NAALADL2: variants seen among roughly 807,000 people sequenced by gnomAD.
The protein encoded by NAALADL2 is inactive N-acetylated-alpha-linked acidic dipeptidase-like protein 2.
Under a neutral mutation model 87.2 loss-of-function variants are expected in NAALADL2, and 76 were observed. The observed-to-expected ratio is 0.87, with a 90% confidence interval of 0.72 to 1.05. The LOEUF (loss-of-function observed/expected upper bound fraction) is 1.05, where lower values mean the gene tolerates loss of function less well. NAALADL2 is among the 50% of genes least tolerant of loss of function. The pLI is 0.00. For missense variants in NAALADL2, 1,089 were observed against 945.8 expected (o/e 1.15, Z -1.99); for synonymous variants, 354 against 331.0 (o/e 1.07, Z -0.75).
At chr3:175,733,933 G>C (rs937941991) in intron 11 of NAALADL2, among the ~76,000 whole-genome samples, 3 of 152,200 alleles carry the variant, frequency 2.0e-5, no homozygotes, top group Non-Finnish European at 1.5e-5. Flanking sequence ...GCTGATGCAA[G>C]AGGTGGGTTC....
chr3:175,023,532 A>G (rs1751835272), intron 1 of NAALADL2, among the ~76,000 whole-genome samples: 3 of 152,236 alleles, frequency 2.0e-5, no homozygotes, highest in South Asian at 4.1e-4. Flanking sequence ...TTATTCTCAA[A>G]AAGGGGAAAG....
At chr3:174,878,044 C>G (rs1437050433) in intron 1 of NAALADL2, among the ~76,000 whole-genome samples, 1 of 151,946 alleles carries the variant, frequency 6.6e-6, no homozygotes, top group East Asian at 1.9e-4. Flanking sequence ...ATGAACTTAA[C>G]AAAGAAAACA....
chr3:175,404,279 A>G (rs1419211854), intron 5 of NAALADL2, among the ~76,000 whole-genome samples: 2 of 152,130 alleles, frequency 1.3e-5, no homozygotes, highest in Non-Finnish European at 2.9e-5. Context: ...GATAAATAGC[A>G]TGACCTCCCA....
chr3:175,113,293 A>G (rs1160246038), intron 2 of NAALADL2, among the ~76,000 whole-genome samples: 1 of 151,566 alleles, frequency 6.6e-6, no homozygotes, highest in Admixed American at 6.6e-5. Context: ...CATCAAATGT[A>G]TGGTCAGTGA....
chr3:174,932,669 A>G (rs2108427337), intron 1 of NAALADL2, among the ~76,000 whole-genome samples: 1 of 152,308 alleles, frequency 6.6e-6, no homozygotes, highest in African/African-American at 2.4e-5. Context: ...TGTCAGCAAA[A>G]AAATACCATA....
intron 2 of NAALADL2, among the ~76,000 whole-genome samples, chr3:175,103,123 T>G (rs1485907675): frequency 1.8e-5 from 2 of 112,844 alleles, no homozygotes; most frequent in South Asian, 2.7e-4. Flanking sequence ...AAAAAAAAAG[T>G]TTTAAATTAT....
At chr3:175,230,050 C>T (rs973677034) in intron 2 of NAALADL2, among the ~76,000 whole-genome samples, 3 of 151,916 alleles carry the variant, frequency 2.0e-5, no homozygotes, top group Admixed American at 6.6e-5. Flanking sequence ...AACTCATATA[C>T]GACAGAGTTG....
chr3:175,527,999 A>C (rs536990183), intron 9 of NAALADL2, among the ~76,000 whole-genome samples: 32 of 152,108 alleles, frequency 2.1e-4, no homozygotes, highest in African/African-American at 7.2e-4. Context: ...AAGAGATGGC[A>C]CTCTGTACAG....
chr3:175,694,222 A>C (rs1043080829), intron 11 of NAALADL2, among the ~76,000 whole-genome samples: 3 of 152,182 alleles, frequency 2.0e-5, no homozygotes, highest in Non-Finnish European at 4.4e-5. Flanking sequence ...GCTTACTAAA[A>C]TAGGTGAAAT....
intron 4 of NAALADL2, among the ~76,000 whole-genome samples, chr3:175,300,723 C>T (rs1052705556): frequency 2.0e-5 from 3 of 149,834 alleles, no homozygotes; most frequent in Admixed American, 1.3e-4. Context: ...TTAATATTTT[C>T]AAAAAACCAT....
At chr3:174,842,872 T>C (rs1434445949) in intron 3 of NAALADL2, among the ~76,000 whole-genome samples, 1 of 148,724 alleles carries the variant, frequency 6.7e-6, no homozygotes, top group Admixed American at 6.6e-5. Flanking sequence ...AGTGGAAATA[T>C]CATTGAAATT....
intron 1 of NAALADL2, among the ~76,000 whole-genome samples, chr3:174,448,687 T>C (rs1351308148): frequency 6.6e-6 from 1 of 152,128 alleles, no homozygotes; most frequent in East Asian, 1.9e-4. Flanking sequence ...GTATCAAATA[T>C]CTTCCCTGAC....
chr3:174,957,895 G>A (rs1741386121), intron 1 of NAALADL2, among the ~76,000 whole-genome samples: 1 of 151,906 alleles, frequency 6.6e-6, no homozygotes, highest in Admixed American at 6.6e-5. Context: ...ATTAATTCCT[G>A]CCTCAACTTG....
intron 2 of NAALADL2, among the ~76,000 whole-genome samples, chr3:175,208,253 T>C (rs77401120): frequency 5.3e-5 from 8 of 152,088 alleles, no homozygotes; most frequent in Non-Finnish European, 8.8e-5. Context: ...TTCACAACCA[T>C]GTTTCAGCAG....
chr3:175,205,212 A>C (rs558960396), intron 2 of NAALADL2, among the ~76,000 whole-genome samples: 1 of 152,314 alleles, frequency 6.6e-6, no homozygotes, highest in South Asian at 2.1e-4. Flanking sequence ...CTATACTATA[A>C]AGCCATATTC....
intron 2 of NAALADL2, among the ~76,000 whole-genome samples, chr3:175,111,318 G>A (rs932014163): frequency 6.6e-6 from 1 of 151,668 alleles, no homozygotes; most frequent in African/African-American, 2.4e-5. Context: ...TTGGAAAGTT[G>A]CCCAGGACTT....
rs73883324 is a variant in NAALADL2, at chr3:175,060,007, C to A, written c.44-36783C>A. On this transcript the variant is annotated intron_variant, in intron 1 of 13. Transcript: ENST00000454872. Reference sequence around the variant, plus strand: ...ATTGAGCACATGGAGGCCAGCAGGGCTTTTCAGGTCTCTGAAACCCATGGT... The same window carrying A: ...ATTGAGCACATGGAGGCCAGCAGGGATTTTCAGGTCTCTGAAACCCATGGT... 1.6e-3 allele frequency: 689 copies of A among 422,494 alleles called. 3 individuals are homozygous for A. The highest frequency in any genetic ancestry group is 0.014 in the African/African-American group (635 of 46,654). 26.2% of individuals were successfully genotyped at this position (422,494 alleles called of 1,614,324 possible).
At chr3:175,331,718 T>C (rs1485325048) in intron 5 of NAALADL2, among the ~76,000 whole-genome samples, 1 of 152,174 alleles carries the variant, frequency 6.6e-6, no homozygotes, top group East Asian at 1.9e-4. Flanking sequence ...ACTTTCACCA[T>C]TCCTATTCAA....
At chr3:175,778,675 A>C (rs1314009855) in intron 13 of NAALADL2, among the ~76,000 whole-genome samples, 1 of 152,204 alleles carries the variant, frequency 6.6e-6, no homozygotes, top group East Asian at 1.9e-4. Flanking sequence ...TCATGTAATT[A>C]TTATAAAAAC....
Sources: gnomAD v4.1 joint callset for allele counts (sites outside exome capture counted in the v4.1 genomes callset) on GRCh38, gnomAD v4.1.1 for gene constraint, MANE v1.5 for transcripts, NCBI Gene and HGNC (gene_info 2026-07-23, HGNC 2026-07-21) for gene names.